ANKRD54: variants seen among roughly 807,000 people sequenced by gnomAD.
ANKRD54 encodes ankyrin repeat domain-containing protein 54.
Under a neutral mutation model 36.2 loss-of-function variants are expected in ANKRD54, and 26 were observed. That is an observed-to-expected ratio of 0.72 (90% CI 0.53 to 1.00). ANKRD54 has a LOEUF of 1.00. Among genes scored for constraint, ANKRD54 ranks in the 50% least tolerant of loss-of-function variants. The pLI is 0.00. For synonymous variants in ANKRD54, 209 were observed against 188.4 expected (o/e 1.11, Z -0.89); for missense variants, 384 against 424.3 (o/e 0.91, Z 0.83).
intron 6 of ANKRD54, 93 bp downstream of exon 6, chr22:37,832,864 GC>G: frequency 6.2e-7 from 1 of 1,603,068 alleles, no homozygotes; most frequent in East Asian, 2.2e-5. Context: ...CAACCCAGGA[GC>G]CCTGGGACCA....
At chr22:37,832,108 G>T in intron 7 of ANKRD54, 91 bp from the exon 8 acceptor site, 1 of 1,251,380 alleles carries the variant, frequency 8.0e-7, no homozygotes, top group Non-Finnish European at 1.1e-6. Flanking sequence ...CAGAACACAG[G>T]CACGGTCTCT....
chr22:37,843,864 G>T, intron 1 of ANKRD54, 47 bp downstream of exon 1: 1 of 1,180,104 alleles, frequency 8.5e-7, no homozygotes, highest in Non-Finnish European at 1.0e-6. Context: ...CCCGCCCCTC[G>T]CCCGGGCTGC....
At chr22:37,834,950 T>C (rs1923347367) in intron 3 of ANKRD54, among the ~76,000 whole-genome samples, 1 of 151,882 alleles carries the variant, frequency 6.6e-6, no homozygotes, top group African/African-American at 2.4e-5. Flanking sequence ...TCTCAGCTAC[T>C]TGGGAGGCTG....
upstream of ANKRD54, among the ~76,000 whole-genome samples, chr22:37,844,727 G>A (rs956199160): frequency 1.3e-4 from 20 of 152,006 alleles, no homozygotes; most frequent in Non-Finnish European, 2.8e-4. Context: ...GCGCCACCAC[G>A]CCCAGCTAAT....
intron 2 of ANKRD54, among the ~76,000 whole-genome samples, chr22:37,838,969 T>C (rs1333508268): frequency 6.6e-6 from 1 of 152,166 alleles, no homozygotes; most frequent in Non-Finnish European, 1.5e-5. Flanking sequence ...GCCCAAGCTA[T>C]TGGCCTATGC....
chr22:37,846,783 T>C (rs554447995), upstream of ANKRD54, among the ~76,000 whole-genome samples: 1 of 152,336 alleles, frequency 6.6e-6, no homozygotes, highest in African/African-American at 2.4e-5. Flanking sequence ...ATTTTGAGAA[T>C]TGTTGTCAAA....
chr22:37,838,895 T>C (rs1923874073), intron 2 of ANKRD54, among the ~76,000 whole-genome samples: 1 of 152,128 alleles, frequency 6.6e-6, no homozygotes, highest in Non-Finnish European at 1.5e-5. Flanking sequence ...ATCCCTAGCA[T>C]AGACAGTGGT....
intron 2 of ANKRD54, among the ~76,000 whole-genome samples, chr22:37,839,631 C>T (rs1923977790): frequency 6.6e-6 from 1 of 152,184 alleles, no homozygotes; most frequent in Non-Finnish European, 1.5e-5. Context: ...TCGTGATCTG[C>T]CCAGCTCGGC....
chr22:37,841,556 AC>A lies in ANKRD54; in HGVS notation c.329-1323del, dbSNP rs1461834714. Among the ~76,000 whole-genome samples, 436 of 145,482 alleles carry A rather than the reference AC, an allele frequency of 3.0e-3. 3 individuals carry two copies. Among genetic ancestry groups the A allele is most frequent in the African/African-American group, 0.011 (417 of 39,220 alleles). Reference sequence around the variant, plus strand: ...AACACACACACACACACACACACACACAAAAAACATAGGCCGGGCACAGTGG... The same window carrying A: ...AACACACACACACACACACACACACAAAAAAACATAGGCCGGGCACAGTGG... On this transcript the variant is annotated intron_variant, in intron 1 of 7. Transcript: ENST00000215941.
At chr22:37,849,238 C>A, upstream of ANKRD54, 1 of 614,448 alleles carries the variant, frequency 1.6e-6, no homozygotes, top group African/African-American at 1.9e-5. Context: ...GTGATCCGCC[C>A]GCCTCGGCCT....
Position 37,844,318 on chromosome 22 carries a change from C to A in ANKRD54, c.-80G>T, listed in dbSNP as rs372525426. ...GGACCTACTTCCCTCCGCCCTGAGT[C>A]GTGCTGTCAGCGAGCTGGCGGGCGG... On this transcript the variant is annotated 5_prime_UTR_variant, in exon 1 of 8. Transcript: ENST00000215941. The A allele has an allele frequency of 1.4e-6, 2 of 1,453,416 alleles. No homozygotes were observed. The highest frequency in any genetic ancestry group is 1.3e-5 in the South Asian group (1 of 77,072). 90.0% of individuals were successfully genotyped at this position (1,453,416 alleles called of 1,614,324 possible). A position where few individuals can be genotyped will look rare whatever the true frequency, so the allele number is the denominator to read the frequency against.
At chr22:37,838,471 C>T in intron 3 of ANKRD54, 29 bp downstream of exon 3, 2 of 1,591,850 alleles carry the variant, frequency 1.3e-6, no homozygotes, top group Non-Finnish European at 1.7e-6. Context: ...TTGCCTAGCC[C>T]TACTCCCTCC....
Position 37,840,178 on chromosome 22 carries a change from C to T in ANKRD54, c.376+9G>A, listed in dbSNP as rs1437120186. 1 of 1,614,024 alleles carries T rather than the reference C, an allele frequency of 6.2e-7. No individual in the cohort carries two copies. The highest frequency in any genetic ancestry group is 8.5e-7 in the Non-Finnish European group (1 of 1,179,922). On this transcript the variant is annotated intron_variant, in intron 2 of 7. Transcript: ENST00000215941. ...GGACCCTGTAGCTGGACCTACTGTGCACACTCACCTGTTTCCACATCATTG... is the reference window on the plus strand; with the variant it reads ...GGACCCTGTAGCTGGACCTACTGTGTACACTCACCTGTTTCCACATCATTG...
In ANKRD54 at chr22:37,831,969, G is replaced by T. The variant is rs1348269069; in HGVS notation, c.877C>A (p.Gln293Lys). Residue 293 changes from glutamine to lysine, a missense_variant, in exon 8 of 8, where the codon CAG becomes AAG. Coordinates refer to ENST00000215941, the MANE Select transcript of ANKRD54 (RefSeq NM_138797.4). ...TACCTCTTCTCCATGCTCTGCATCT[G>T]CAGACTGAGGGAGGTGAAGCTGGCC... ...LLASFTSLSL[Q>K]MQSMEKR 2 of 1,613,662 alleles carry T rather than the reference G, an allele frequency of 1.2e-6. No individual in the cohort carries two copies. Among genetic ancestry groups the T allele is most frequent in the South Asian group, 2.2e-5 (2 of 90,916 alleles).
chr22:37,842,362 C>A (rs1205002423), intron 1 of ANKRD54, among the ~76,000 whole-genome samples: 3 of 152,204 alleles, frequency 2.0e-5, no homozygotes, highest in Non-Finnish European at 1.5e-5. Context: ...ACTTTTGGAG[C>A]CAGATTTCCT....
At chr22:37,843,360 T>C (rs967665115) in intron 1 of ANKRD54, among the ~76,000 whole-genome samples, 2 of 151,692 alleles carry the variant, frequency 1.3e-5, no homozygotes, top group Non-Finnish European at 2.9e-5. Flanking sequence ...GGGGCGGAGG[T>C]TGCAGTGAAC....
intron 3 of ANKRD54, among the ~76,000 whole-genome samples, chr22:37,836,460 A>T (rs1923556900): frequency 6.7e-6 from 1 of 150,282 alleles, no homozygotes; most frequent in African/African-American, 2.4e-5. Flanking sequence ...AAAAAAAAAA[A>T]AAAAAAAAAA....
chr22:37,848,191 C>A (rs1302233973), upstream of ANKRD54: 1 of 152,226 alleles, frequency 6.6e-6, no homozygotes, highest in Non-Finnish European at 1.5e-5. Flanking sequence ...GACTCATACA[C>A]CGGTTTTTAT....
At chr22:37,832,915 T>C in intron 6 of ANKRD54, 43 bp downstream of exon 6, 1 of 1,610,536 alleles carries the variant, frequency 6.2e-7, no homozygotes, top group Non-Finnish European at 8.5e-7. Context: ...ATCTGTCCAG[T>C]GCTGCCTTGG....
Sources: gnomAD v4.1 joint callset for allele counts (sites outside exome capture counted in the v4.1 genomes callset) on GRCh38, gnomAD v4.1.1 for gene constraint, MANE v1.5 for transcripts, NCBI Gene and HGNC (gene_info 2026-07-23, HGNC 2026-07-21) for gene names.